CD53: variants seen among roughly 807,000 people sequenced by gnomAD.
CD53 encodes CD53 molecule.
Under a neutral mutation model 27.3 loss-of-function variants are expected in CD53, and 20 were observed. The ratio of observed to expected loss-of-function variants is 0.73; its 90% CI spans 0.52 to 1.07. CD53 has a LOEUF of 1.07. Ranked by LOEUF, CD53 falls within the 50% of genes least tolerant of loss-of-function variation. The pLI, the probability that CD53 is intolerant of heterozygous loss-of-function variation, is 0.00. For missense variants in CD53, 216 were observed against 264.0 expected, an observed-to-expected ratio of 0.82 and a Z score of 1.26; for synonymous variants, 106 against 105.3, an observed-to-expected ratio of 1.01 and a Z score of -0.04.
chr1:110,872,569 G>C (rs1655996179), upstream of CD53, among the ~76,000 whole-genome samples: 1 of 152,148 alleles, frequency 6.6e-6, no homozygotes, highest in South Asian at 2.1e-4. Context: ...AGTGCCCCTG[G>C]GATTATGCCT....
In CD53 at chr1:110,894,422, CTTA is replaced by C. The variant is rs537634982; in HGVS notation, c.327+24_327+26del. 1,800 of 1,564,110 alleles carry C rather than the reference CTTA, an allele frequency of 1.2e-3. 1 individual carries two copies. Among genetic ancestry groups the C allele is most frequent in the Non-Finnish European group, 1.5e-3 (1,695 of 1,134,562 alleles). Reference sequence around the variant, plus strand: ...AGAAGGTAAGTTATAAAGACAACAACTTATTGTCTTAATACTGAAAGTGGGGAG... The same window carrying C: ...AGAAGGTAAGTTATAAAGACAACAACTTGTCTTAATACTGAAAGTGGGGAG... On this transcript the variant is annotated intron_variant, in intron 4 of 7. Coordinates refer to ENST00000271324, the MANE Select transcript of CD53 (RefSeq NM_000560.4).
intron 4 of CD53, 84 bp from the exon 5 acceptor site, chr1:110,894,876 C>A: frequency 9.7e-7 from 1 of 1,031,440 alleles, no homozygotes; most frequent in Non-Finnish European, 1.5e-6. Context: ...GCAAGTGGAA[C>A]CACTAACCTA....
intron 1 of CD53, among the ~76,000 whole-genome samples, chr1:110,882,286 G>A (rs1424429629): frequency 1.3e-5 from 2 of 152,056 alleles, no homozygotes; most frequent in African/African-American, 4.8e-5. Context: ...AGGTATAAAT[G>A]CAAGTTCATT....
At chr1:110,884,637 G>C (rs1656494885) in intron 1 of CD53, among the ~76,000 whole-genome samples, 1 of 151,782 alleles carries the variant, frequency 6.6e-6, no homozygotes. Flanking sequence ...TTTTGACTAG[G>C]TGCAAAAACA....
intron 7 of CD53, 54 bp downstream of exon 7, chr1:110,897,946 AGATT>A: frequency 1.0e-6 from 1 of 995,214 alleles, no homozygotes; most frequent in Non-Finnish European, 1.6e-6. Flanking sequence ...AAGTCAGGTA[AGATT>A]TCAGAATAAT....
rs141935496 is a variant in CD53 at position 110,886,846 on chromosome 1, A to AAGATATATATATATATAT, written c.-17-4545_-17-4544insGATATATATATATATATA. On this transcript the variant is annotated intron_variant, in intron 1 of 7. Transcript: ENST00000271324. ...GGCAACAGAGCGAGACTCTGTCTCC[A>AAGATATATATATATATAT]ATATATATATATATATATATATATT... Among the ~76,000 whole-genome samples the AAGATATATATATATATAT allele has an allele frequency of 5.0e-4, 50 of 100,984 alleles. 1 individual carries two copies. The highest frequency in any genetic ancestry group is 4.7e-4 in the Admixed American group (4 of 8,458). 66.2% of individuals were successfully genotyped at this position (100,984 alleles called of 152,430 possible). A position where few individuals can be genotyped will look rare whatever the true frequency, so the allele number is the denominator to read the frequency against.
Position 110,892,549 on chromosome 1 carries a change from A to C in CD53, c.252+16A>C, listed in dbSNP as rs1042935265. 18 of 1,600,406 alleles carry C rather than the reference A, an allele frequency of 1.1e-5. No individual in the cohort carries two copies. Among genetic ancestry groups the C allele is most frequent in the Non-Finnish European group, 1.5e-5 (18 of 1,169,984 alleles). On this transcript the variant is annotated intron_variant, in intron 3 of 7. Transcript: ENST00000271324. ...GCTTATGTCGGTGAGTCCTTACAGC[A>C]GATGTGGTGCCCCAAGTCGGGGAGA... is the stretch of plus-strand genomic sequence containing the variant.
chr1:110,872,360 A>T (rs1417387949), upstream of CD53, among the ~76,000 whole-genome samples: 1 of 152,200 alleles, frequency 6.6e-6, no homozygotes, highest in Non-Finnish European at 1.5e-5. Context: ...AACCTCTTTG[A>T]GCGCCTGTTT....
intron 1 of CD53, among the ~76,000 whole-genome samples, chr1:110,889,098 C>T (rs1044458354): frequency 3.2e-5 from 4 of 124,610 alleles, no homozygotes; most frequent in African/African-American, 7.9e-5. Context: ...ATGTCACATT[C>T]TAAGAGTTAA....
intron 1 of CD53, among the ~76,000 whole-genome samples, 177 bp downstream of exon 1, chr1:110,873,425 A>G (rs990795374): frequency 3.9e-5 from 6 of 152,190 alleles, no homozygotes; most frequent in Non-Finnish European, 8.8e-5. Flanking sequence ...CCCAAAGGCA[A>G]TCAGGCCAGA....
chr1:110,883,322 T>G (rs1351220785), intron 1 of CD53, among the ~76,000 whole-genome samples: 1 of 152,004 alleles, frequency 6.6e-6, no homozygotes, highest in Non-Finnish European at 1.5e-5. Flanking sequence ...GATAATTTAT[T>G]TTCTCTTTCA....
chr1:110,888,606 C>T (rs1364418087), intron 1 of CD53, among the ~76,000 whole-genome samples: 4 of 151,882 alleles, frequency 2.6e-5, no homozygotes, highest in African/African-American at 9.7e-5. Context: ...GCACATTTCC[C>T]AAATATATGA....
intron 1 of CD53, among the ~76,000 whole-genome samples, chr1:110,875,414 G>A (rs2101035714): frequency 6.6e-6 from 1 of 152,290 alleles, no homozygotes; most frequent in South Asian, 2.1e-4. Flanking sequence ...AGGGAGAAGA[G>A]GCAGGTTTTT....
intron 1 of CD53, among the ~76,000 whole-genome samples, chr1:110,886,869 A>ATATATATATATATATATATATATATTT (rs1298376721): frequency 9.7e-5 from 8 of 82,782 alleles, no homozygotes; most frequent in African/African-American, 3.2e-4. Flanking sequence ...ATATATATAT[A>ATATATATATATATATATATATATATTT]TTTTTTTTTT....
intron 3 of CD53, chr1:110,892,743 C>T: frequency 1.0e-5 from 5 of 498,482 alleles, no homozygotes; most frequent in South Asian, 3.4e-5. Context: ...TTGCTATCCC[C>T]CTTGTAGCCA....
In CD53 at chr1:110,881,196, G is replaced by A. The variant is rs147673155; in HGVS notation, c.-18+7948G>A. ...TATGCATCACTCACCACAGATTGTT[G>A]TGGCCTTCTGTAATCCCTTTCTCTC... is the stretch of plus-strand genomic sequence containing the variant. On this transcript the variant is annotated intron_variant, in intron 1 of 7. Transcript: ENST00000271324. 7.3e-3 allele frequency among the ~76,000 whole-genome samples: 1,111 copies of A among 152,120 alleles called. 6 individuals are homozygous for A. Among genetic ancestry groups the A allele is most frequent in the Middle Eastern group, 0.037 (11 of 294 alleles).
Position 110,899,206 on chromosome 1 carries a change from T to A in CD53, c.*11T>A. On this transcript the variant is annotated 3_prime_UTR_variant, in exon 8 of 8. Transcript: ENST00000271324. The stretch of plus-strand genomic sequence containing the variant: ...ACCATAGGGCTATGATCTGCAGTAG[T>A]CCTGTGGTGAAGAGACTTGTTTCAT... The A allele has an allele frequency of 6.2e-7, 1 of 1,603,152 alleles. No homozygotes were observed. Among genetic ancestry groups the A allele is most frequent in the South Asian group, 1.1e-5 (1 of 90,880 alleles).
chr1:110,871,714 G>A (rs1655972662), upstream of CD53, among the ~76,000 whole-genome samples: 1 of 152,000 alleles, frequency 6.6e-6, no homozygotes, highest in South Asian at 2.1e-4. Context: ...CATGGCAGCA[G>A]CTCTGAGTGA....
Position 110,899,766 on chromosome 1 carries a change from T to C in CD53, c.*571T>C, listed in dbSNP as rs1657230639. On this transcript the variant is annotated 3_prime_UTR_variant, in exon 8 of 8. Coordinates refer to ENST00000271324, the MANE Select transcript of CD53 (RefSeq NM_000560.4). The stretch of plus-strand genomic sequence containing the variant: ...GGCCTTATTGATGTGTTCTAAGTCT[T>C]TCCAGAAAAAAACTATCCAGTGATT... The C allele has an allele frequency of 6.5e-6, 1 of 152,924 alleles. No homozygotes were observed. The highest frequency in any genetic ancestry group is 2.4e-5 in the African/African-American group (1 of 41,458). 9.5% of individuals were successfully genotyped at this position (152,924 alleles called of 1,614,324 possible). A position where few individuals can be genotyped will look rare whatever the true frequency, so the allele number is the denominator to read the frequency against.
Sources: allele counts gnomAD v4.1 joint callset (sites outside exome capture counted in the v4.1 genomes callset), GRCh38; gene constraint gnomAD v4.1.1; transcripts MANE v1.5; gene names NCBI Gene and HGNC (gene_info 2026-07-23, HGNC 2026-07-21).